SLC24A2: variants seen among roughly 807,000 people sequenced by gnomAD.
SLC24A2 encodes sodium/potassium/calcium exchanger 2.
Under a neutral mutation model 62.0 loss-of-function variants are expected in SLC24A2, and 36 were observed. The ratio of observed to expected loss-of-function variants is 0.58; its 90% CI spans 0.44 to 0.77. SLC24A2 has a LOEUF of 0.77. Ranked by LOEUF, SLC24A2 falls within the 30% of genes least tolerant of loss-of-function variation. The pLI is 0.00. For missense variants in SLC24A2, 846 were observed against 817.9 expected (o/e 1.03, Z -0.42); for synonymous variants, 358 against 294.0 (o/e 1.22, Z -2.23).
the SLC24A2 span, among the ~76,000 whole-genome samples, chr9:20,206,441 G>A: frequency 6.6e-6 from 1 of 151,142 alleles, no homozygotes; most frequent in Admixed American, 6.6e-5. Flanking sequence ...GTAAGATGCA[G>A]TAATTTTCCC....
the SLC24A2 span, among the ~76,000 whole-genome samples, chr9:20,067,431 C>T: frequency 6.6e-6 from 1 of 152,002 alleles, no homozygotes; most frequent in African/African-American, 2.4e-5. Context: ...TTTTTTTCAA[C>T]TTTTATTTTA....
rs186780817 is a variant in SLC24A2 at position 19,754,932 on chromosome 9, C to T, written c.930+31005G>A. Among the ~76,000 whole-genome samples the T allele has an allele frequency of 1.9e-4, 29 of 152,196 alleles. 1 individual carries two copies. Among genetic ancestry groups the T allele is most frequent in the African/African-American group, 6.5e-4 (27 of 41,522 alleles). On this transcript the variant is annotated intron_variant, in intron 2 of 10. Transcript: ENST00000341998. Reference sequence around the variant, plus strand: ...GCCTTTCAATGATTTTATAAGCATCCAATTCCTACATTAAAACCTGATCTC... The same window carrying T: ...GCCTTTCAATGATTTTATAAGCATCTAATTCCTACATTAAAACCTGATCTC...
chr9:19,515,961 G>T lies in SLC24A2; in HGVS notation c.*192C>A. On this transcript the variant is annotated 3_prime_UTR_variant, in exon 11 of 11. Coordinates refer to ENST00000341998, the MANE Select transcript of SLC24A2 (RefSeq NM_020344.4). ...TTGTCTTTTACATGAAGTCATTTCA[G>T]TAGGCAGGGTGGAAGCAGCCTGTGA... 1 of 701,404 alleles carries T rather than the reference G, an allele frequency of 1.4e-6. No individual in the cohort carries two copies. Among genetic ancestry groups the T allele is most frequent in the Non-Finnish European group, 2.5e-6 (1 of 399,812 alleles). 43.4% of individuals were successfully genotyped at this position (701,404 alleles called of 1,614,324 possible).
the SLC24A2 span, among the ~76,000 whole-genome samples, chr9:19,906,756 C>T: frequency 1.3e-5 from 2 of 151,316 alleles, no homozygotes; most frequent in Non-Finnish European, 2.9e-5. Context: ...TCGACATATA[C>T]CCTCCCAAGA....
In SLC24A2 at chr9:19,549,215, T is replaced by C. The variant is rs1367891302; in HGVS notation, c.1479+922A>G. 2.0e-5 allele frequency among the ~76,000 whole-genome samples: 3 copies of C among 152,228 alleles called. No homozygotes were observed. In the East Asian group the frequency reaches 5.8e-4, roughly 29 times the overall value. ...AGTCACAAGAATGTTCAAGAAAATG[T>C]GAGTAACCTTCCTGCTTCAGACCTT... On this transcript the variant is annotated intron_variant, in intron 8 of 10. Coordinates refer to ENST00000341998, the MANE Select transcript of SLC24A2 (RefSeq NM_020344.4).
chr9:20,113,499 A>G, the SLC24A2 span, among the ~76,000 whole-genome samples: 1 of 152,332 alleles, frequency 6.6e-6, no homozygotes, highest in Admixed American at 6.5e-5. Flanking sequence ...CCAGATAAAT[A>G]TCTTGACATG....
At chr9:20,169,234 G>A in the SLC24A2 span, among the ~76,000 whole-genome samples, 1 of 151,840 alleles carries the variant, frequency 6.6e-6, no homozygotes, top group East Asian at 1.9e-4. Flanking sequence ...GTTTATGCTG[G>A]GATCATGAAA....
chr9:19,790,439 C>T (rs1417962811), upstream of SLC24A2, among the ~76,000 whole-genome samples: 1 of 144,538 alleles, frequency 6.9e-6, no homozygotes. Flanking sequence ...TTTCAGAAAG[C>T]AAGAAAACTA....
chr9:20,258,797 T>C, the SLC24A2 span, among the ~76,000 whole-genome samples: 2 of 128,638 alleles, frequency 1.6e-5, no homozygotes, highest in African/African-American at 6.7e-5. Flanking sequence ...TCTATCTATC[T>C]ATCTATCTAT....
chr9:20,161,429 AG>A, the SLC24A2 span, among the ~76,000 whole-genome samples: 1 of 151,492 alleles, frequency 6.6e-6, no homozygotes, highest in Non-Finnish European at 1.5e-5. Flanking sequence ...AGTACAAAAA[AG>A]AAAGTTACAG....
chr9:20,059,563 T>G, the SLC24A2 span, among the ~76,000 whole-genome samples: 1 of 151,886 alleles, frequency 6.6e-6, no homozygotes, highest in East Asian at 1.9e-4. Flanking sequence ...GGGCAGAAAA[T>G]AAATCACAAG....
At chr9:19,946,063 A>G in the SLC24A2 span, among the ~76,000 whole-genome samples, 1 of 152,206 alleles carries the variant, frequency 6.6e-6, no homozygotes, top group Admixed American at 6.5e-5. Context: ...ATTGTGGTCA[A>G]TGGCAAAAAC....
At chr9:20,100,262 T>C in the SLC24A2 span, among the ~76,000 whole-genome samples, 3 of 152,156 alleles carry the variant, frequency 2.0e-5, no homozygotes, top group Non-Finnish European at 4.4e-5. Context: ...GGTTTTGCCA[T>C]GTCGCCCAGG....
At chr9:19,544,188 CTTCT>C (rs1834427427) in intron 8 of SLC24A2, among the ~76,000 whole-genome samples, 2 of 148,356 alleles carry the variant, frequency 1.3e-5, no homozygotes, top group Admixed American at 1.3e-4. Flanking sequence ...AGGTAATGGC[CTTCT>C]TTCTCTTTTG....
At chr9:20,168,101 T>C in the SLC24A2 span, among the ~76,000 whole-genome samples, 1 of 151,990 alleles carries the variant, frequency 6.6e-6, no homozygotes. Flanking sequence ...AATATATGTA[T>C]GTGATGTGTG....
chr9:19,910,019 C>T, the SLC24A2 span, among the ~76,000 whole-genome samples: 1 of 152,100 alleles, frequency 6.6e-6, no homozygotes, highest in Non-Finnish European at 1.5e-5. Context: ...TTACCAAGGG[C>T]AAGCATTGTT....
At chr9:19,960,760 G>A in the SLC24A2 span, among the ~76,000 whole-genome samples, 173 of 152,242 alleles carry the variant, frequency 1.1e-3, 4 homozygotes, top group East Asian at 0.031. Context: ...TAATCTCCAA[G>A]CTGTGGTTTA....
the SLC24A2 span, among the ~76,000 whole-genome samples, chr9:20,045,663 C>G: frequency 1.3e-5 from 2 of 152,008 alleles, no homozygotes; most frequent in Middle Eastern, 3.2e-3. Context: ...GAATTCCTGA[C>G]CTCGTGATCT....
intron 4 of SLC24A2, among the ~76,000 whole-genome samples, chr9:19,606,784 AC>A (rs1411820921): frequency 6.6e-6 from 1 of 152,216 alleles, no homozygotes; most frequent in Non-Finnish European, 1.5e-5. Flanking sequence ...CCCGGGGACA[AC>A]CTGTGAAGGA....
Sources: allele counts gnomAD v4.1 joint callset (sites outside exome capture counted in the v4.1 genomes callset), GRCh38; gene constraint gnomAD v4.1.1; transcripts MANE v1.5; gene names NCBI Gene and HGNC (gene_info 2026-07-23, HGNC 2026-07-21).